The following GRK1 variants were observed in gnomAD, a reference collection of about 807,000 sequenced individuals.
GRK1 encodes the protein rhodopsin kinase GRK1.
A neutral mutation model predicts 41.7 loss-of-function variants in GRK1; 28 were observed. The observed-to-expected ratio is 0.67, with a 90% CI of 0.50 to 0.92. The LOEUF is 0.92. GRK1 is among the 40% of genes least tolerant of loss of function. The pLI, the probability that GRK1 is intolerant of heterozygous loss-of-function variation, is 0.00. For synonymous variants in GRK1, 327 were observed against 286.7 expected, an observed-to-expected ratio of 1.14 and a Z score of -1.42; for missense variants, 703 against 671.2, an observed-to-expected ratio of 1.05 and a Z score of -0.52.
the GRK1 span, chr13:113,652,675 C>T: frequency 1.2e-5 from 8 of 693,066 alleles, no homozygotes; most frequent in Admixed American, 8.1e-5. Context: ...TGGTGTCTGA[C>T]GAGTGGTTTC....
intron 4 of GRK1, among the ~76,000 whole-genome samples, 187 bp downstream of exon 4, chr13:113,723,344 A>G (rs1247976099): frequency 6.6e-6 from 1 of 151,914 alleles, no homozygotes; most frequent in Non-Finnish European, 1.5e-5. Flanking sequence ...TATCTGAGGC[A>G]GGTACCAGTT....
the GRK1 span, chr13:113,651,533 G>C: frequency 1.1e-6 from 1 of 926,286 alleles, no homozygotes; most frequent in Non-Finnish European, 1.5e-6. Flanking sequence ...GTGATGGTTC[G>C]GTGTTTACGT....
upstream of GRK1, among the ~76,000 whole-genome samples, chr13:113,662,973 CT>C (rs200674511): frequency 7.0e-3 from 1,070 of 152,214 alleles, 13 homozygotes; most frequent in African/African-American, 0.024. Flanking sequence ...AGCAAAGGAA[CT>C]AGAATAAGTA....
chr13:113,650,570 T>G, the GRK1 span: 1 of 1,309,596 alleles, frequency 7.6e-7, no homozygotes, highest in Non-Finnish European at 1.1e-6. This position sits in a 1 kb window ranked among gnomAD's most constrained non-coding sequence, Gnocchi z 5.0. Flanking sequence ...GTCTGTGTGT[T>G]GCGTTTGTGT....
intron 4 of GRK1, among the ~76,000 whole-genome samples, chr13:113,725,016 C>T (rs981628751): frequency 6.6e-6 from 1 of 152,256 alleles, no homozygotes; most frequent in African/African-American, 2.4e-5. Context: ...CGCCGGCGCC[C>T]GTTCCTCGGA....
the GRK1 span, among the ~76,000 whole-genome samples, chr13:113,657,627 G>A: frequency 3.3e-5 from 5 of 152,262 alleles, no homozygotes; most frequent in Admixed American, 2.6e-4. Context: ...GCTGGCAGCC[G>A]CGTCTCGGCA....
At chr13:113,649,542 T>A in the GRK1 span, 1 of 1,506,856 alleles carries the variant, frequency 6.6e-7, no homozygotes, top group Admixed American at 2.3e-5. This position sits in a 1 kb window ranked among gnomAD's most constrained non-coding sequence, Gnocchi z 4.7. Context: ...GGGGCTGAAG[T>A]GGGAGTGAGG....
chr13:113,734,067 T>A (rs2140738910), intron 6 of GRK1, among the ~76,000 whole-genome samples: 1 of 152,250 alleles, frequency 6.6e-6, no homozygotes, highest in Admixed American at 6.5e-5. Context: ...TGTGCATGTG[T>A]GTGCGTGTAT....
intron 4 of GRK1, among the ~76,000 whole-genome samples, chr13:113,729,877 G>A (rs566539648): frequency 4.2e-5 from 6 of 142,248 alleles, no homozygotes; most frequent in South Asian, 2.3e-4. Context: ...GCCCAGACCC[G>A]TCCCTCCATC....
At position 113,735,617 on chromosome 13, in the gene GRK1, C is replaced by T. The variant is rs2049998658; in HGVS notation, c.*254C>T. ...CTTTTGCTCCATCTCACTGAGAAGA[C>T]ATAAGATGCTCTCCAGAGGGAGTAA... On this transcript the variant is annotated 3_prime_UTR_variant, in exon 7 of 7. Coordinates refer to ENST00000335678, the MANE Select transcript of GRK1 (RefSeq NM_002929.3). 2.4e-6 allele frequency: 1 copy of T among 415,356 alleles called. No individual in the cohort carries two copies. The highest frequency in any genetic ancestry group is 4.3e-6 in the Non-Finnish European group (1 of 234,750). The allele number at this position is 415,356 out of a possible 1,614,324, so 25.7% of individuals were successfully genotyped here.
chr13:113,660,846 A>G, the GRK1 span, among the ~76,000 whole-genome samples: 1 of 152,256 alleles, frequency 6.6e-6, no homozygotes, highest in African/African-American at 2.4e-5. Flanking sequence ...GAAAAACTAG[A>G]AAGCTGCAAA....
intron 4 of GRK1, among the ~76,000 whole-genome samples, chr13:113,727,801 G>T (rs867319601): frequency 1.5e-4 from 6 of 39,998 alleles, no homozygotes; most frequent in Admixed American, 5.8e-4. Flanking sequence ...TGGCGATGAG[G>T]ACCCATGGCG....
chr13:113,735,335 C>T lies in GRK1; in HGVS notation c.1664C>T (p.Ser555Phe), dbSNP rs1427558124. ...KGISGGSSSS[S>F]KSGMCLVS is the part of the protein sequence containing the mutation. ...ATCTCCGGGGGCTCCAGCTCCTCGT[C>T]CAAGTCAGGGATGTGTCTGGTTTCC... is the stretch of plus-strand genomic sequence containing the variant. Residue 555 changes from serine (S) to phenylalanine (F), a missense_variant, in exon 7 of 7, where the codon TCC becomes TTC. Ser to Phe is a radical substitution (Grantham distance 155). Coordinates refer to ENST00000335678, the MANE Select transcript of GRK1 (RefSeq NM_002929.3). 5.9e-6 allele frequency: 9 copies of T among 1,522,064 alleles called. No individual in the cohort carries two copies. The Admixed American group carries it at 1.6e-4, about 27-fold the overall frequency. 94.3% of individuals were successfully genotyped at this position (1,522,064 alleles called of 1,614,324 possible).
At chr13:113,658,175 C>T in the GRK1 span, 1 of 1,589,492 alleles carries the variant, frequency 6.3e-7, no homozygotes. Flanking sequence ...CCCGTCTGCT[C>T]CCTGCACCCT....
At chr13:113,660,769 C>T in the GRK1 span, among the ~76,000 whole-genome samples, 1 of 152,226 alleles carries the variant, frequency 6.6e-6, no homozygotes, top group Middle Eastern at 3.4e-3. Context: ...GGATTAGCTG[C>T]CAAAAATTTT....
At chr13:113,651,788 G>A in the GRK1 span, 1 of 1,577,364 alleles carries the variant, frequency 6.3e-7, no homozygotes, top group African/African-American at 1.3e-5. Context: ...GAGGTGCACG[G>A]CACCCACCCA....
chr13:113,732,858 G>T (rs1219884355), intron 5 of GRK1, 26 bp from the exon 6 acceptor site: 1 of 1,530,526 alleles, frequency 6.5e-7, no homozygotes, highest in East Asian at 2.4e-5. Flanking sequence ...GGTCTGGCAG[G>T]GCTAAGGCTA....
chr13:113,733,947 T>TGTGTGTGCATACGTGTGTGTGC (rs1237367853), intron 6 of GRK1, among the ~76,000 whole-genome samples: 46 of 139,994 alleles, frequency 3.3e-4, no homozygotes, highest in African/African-American at 1.2e-3. Flanking sequence ...CGTGTGTGCG[T>TGTGTGTGCATACGTGTGTGTGC]GTGTGTGCAT....
chr13:113,667,179 G>A (rs368953300), upstream of GRK1: 298 of 561,064 alleles, frequency 5.3e-4, no homozygotes, highest in African/African-American at 4.9e-3. The surrounding 1 kb of genome is among the most constrained non-coding windows in gnomAD (Gnocchi z 7.5). Flanking sequence ...CTGGGATTTA[G>A]CCTGGTGCTG....
Sources: gnomAD v4.1 joint callset for allele counts (sites outside exome capture counted in the v4.1 genomes callset) on GRCh38, gnomAD v4.1.1 for gene constraint, Gnocchi (gnomAD v3.1) non-coding constraint, MANE v1.5 for transcripts, NCBI Gene and HGNC (gene_info 2026-07-23, HGNC 2026-07-21) for gene names.